The following KCND2 variants were observed in gnomAD, a reference collection of about 807,000 sequenced individuals.
The protein encoded by KCND2 is potassium voltage-gated channel subfamily D member 2.
A neutral mutation model predicts 54.4 loss-of-function variants in KCND2; 16 were observed. The observed-to-expected ratio is 0.29, with a 90% CI of 0.20 to 0.45. The LOEUF (loss-of-function observed/expected upper bound fraction) is 0.45, where lower values mean the gene tolerates loss of function less well. KCND2 is among the 20% of genes least tolerant of loss of function. The pLI is 1.00. For synonymous variants in KCND2, 317 were observed against 310.7 expected (o/e 1.02, Z -0.21); for missense variants, 486 against 824.2 (o/e 0.59, Z 5.02).
intron 1 of KCND2, among the ~76,000 whole-genome samples, chr7:120,558,796 A>G (rs1792196606): frequency 6.6e-6 from 1 of 151,818 alleles, no homozygotes; most frequent in Non-Finnish European, 1.5e-5. Context: ...TAAAATATCT[A>G]CTCTCCTTGT....
At chr7:120,627,552 G>C (rs987402915) in intron 1 of KCND2, among the ~76,000 whole-genome samples, 1 of 151,896 alleles carries the variant, frequency 6.6e-6, no homozygotes, top group African/African-American at 2.4e-5. Context: ...GTTTATTTCA[G>C]TCCTTTAAAA....
intron 1 of KCND2, among the ~76,000 whole-genome samples, chr7:120,546,890 A>G (rs1792048756): frequency 6.6e-6 from 1 of 151,892 alleles, no homozygotes; most frequent in Admixed American, 6.6e-5. Flanking sequence ...TGTAATATCA[A>G]ATACAAATAC....
At chr7:120,595,513 A>G (rs534893462) in intron 1 of KCND2, among the ~76,000 whole-genome samples, 1 of 144,806 alleles carries the variant, frequency 6.9e-6, no homozygotes, top group East Asian at 2.0e-4. Flanking sequence ...GTGTGTGTAT[A>G]TATATGTATA....
chr7:120,682,601 G>C (rs937049611), intron 1 of KCND2, among the ~76,000 whole-genome samples: 1 of 152,094 alleles, frequency 6.6e-6, no homozygotes, highest in Non-Finnish European at 1.5e-5. Context: ...ATTATTGAAA[G>C]ACAGTGCAGT....
chr7:120,352,845 C>G (rs543774992), intron 1 of KCND2, among the ~76,000 whole-genome samples: 8 of 152,060 alleles, frequency 5.3e-5, no homozygotes, highest in African/African-American at 1.9e-4. Context: ...TCATTAGTTA[C>G]TGATAATCAT....
At position 120,707,250 on chromosome 7, in the gene KCND2, C is replaced by T. The variant is rs1171901925; in HGVS notation, c.1116-25653C>T. Among the ~76,000 whole-genome samples, 13 of 152,202 alleles carry T rather than the reference C, an allele frequency of 8.5e-5. No individual in the cohort carries two copies. In the East Asian group the frequency reaches 2.5e-3, roughly 29 times the overall value. ...CTAAGAAATCTAGATACTTCCAATG[C>T]CAGGTGATTTATAATACACTTATAT... On this transcript the variant is annotated intron_variant, in intron 1 of 5. Transcript: ENST00000331113.
intron 1 of KCND2, among the ~76,000 whole-genome samples, chr7:120,428,407 A>G (rs539879531): frequency 5.8e-4 from 89 of 152,344 alleles, no homozygotes; most frequent in African/African-American, 2.0e-3. Context: ...AAACCATAGC[A>G]TTAGGGACCA....
intron 1 of KCND2, among the ~76,000 whole-genome samples, chr7:120,434,751 A>G (rs1262156644): frequency 6.6e-6 from 1 of 152,166 alleles, no homozygotes; most frequent in Non-Finnish European, 1.5e-5. Flanking sequence ...GTCATAGCTC[A>G]TGGGTCCCAA....
At chr7:120,503,933 T>C (rs1413814290) in intron 1 of KCND2, among the ~76,000 whole-genome samples, 1 of 151,978 alleles carries the variant, frequency 6.6e-6, no homozygotes, top group African/African-American at 2.4e-5. Flanking sequence ...CATCCATATA[T>C]AAAAAGCCTT....
At chr7:120,469,562 T>C (rs1802424297) in intron 1 of KCND2, among the ~76,000 whole-genome samples, 1 of 152,102 alleles carries the variant, frequency 6.6e-6, no homozygotes, top group Non-Finnish European at 1.5e-5. Context: ...TAGCAGAGGA[T>C]TGGAAGCTCA....
At position 120,747,976 on chromosome 7, in the gene KCND2, G is replaced by A. The variant is rs895196811; in HGVS notation, c.*118G>A. ...TTAATGCAGCAAAGAAAGAAGGTTG[G>A]TAGTGAAACACAAAGCTTCCAATCT... On this transcript the variant is annotated 3_prime_UTR_variant, in exon 6 of 6. Coordinates refer to ENST00000331113, the MANE Select transcript of KCND2 (RefSeq NM_012281.3). 4.8e-6 allele frequency: 4 copies of A among 833,870 alleles called. No homozygotes were observed. The highest frequency in any genetic ancestry group is 1.5e-5 in the South Asian group (1 of 64,974). The allele number at this position is 833,870 out of a possible 1,614,324, so 51.7% of individuals were successfully genotyped here.
intron 1 of KCND2, among the ~76,000 whole-genome samples, chr7:120,578,761 AG>A (rs1282304020): frequency 6.6e-6 from 1 of 152,074 alleles, no homozygotes; most frequent in Non-Finnish European, 1.5e-5. Flanking sequence ...GCTACTCAGG[AG>A]GCTGAGGCAG....
intron 1 of KCND2, among the ~76,000 whole-genome samples, chr7:120,567,938 A>T (rs1400650523): frequency 1.3e-5 from 2 of 152,124 alleles, no homozygotes; most frequent in African/African-American, 4.8e-5. Context: ...ACTTTGCATC[A>T]ATGATGCATG....
intron 1 of KCND2, among the ~76,000 whole-genome samples, chr7:120,585,109 C>CT (rs1328213324): frequency 2.0e-5 from 3 of 151,910 alleles, no homozygotes; most frequent in African/African-American, 7.3e-5. Context: ...TGCCTCTCTT[C>CT]TTGAGAGTTA....
intron 1 of KCND2, among the ~76,000 whole-genome samples, chr7:120,386,916 C>G (rs939741101): frequency 6.6e-6 from 1 of 152,124 alleles, no homozygotes; most frequent in Non-Finnish European, 1.5e-5. Context: ...TCTGTCCTCA[C>G]CAACTTCAGT....
At chr7:120,505,523 A>G (rs1803000937) in intron 1 of KCND2, among the ~76,000 whole-genome samples, 1 of 151,870 alleles carries the variant, frequency 6.6e-6, no homozygotes, top group Non-Finnish European at 1.5e-5. Flanking sequence ...ACAATGACAA[A>G]AAAGAAACCC....
chr7:120,622,664 T>TACACACACACAC (rs138167439), intron 1 of KCND2, among the ~76,000 whole-genome samples: 1 of 134,896 alleles, frequency 7.4e-6, no homozygotes, highest in African/African-American at 2.8e-5. Context: ...TCCTTTTCCT[T>TACACACACACAC]ACACACACAC....
intron 1 of KCND2, among the ~76,000 whole-genome samples, chr7:120,557,356 T>A (rs1792178274): frequency 6.6e-6 from 1 of 152,282 alleles, no homozygotes; most frequent in South Asian, 2.1e-4. Context: ...AGTCTCCCTA[T>A]GATTTATTGA....
intron 1 of KCND2, among the ~76,000 whole-genome samples, chr7:120,324,632 G>A (rs1223379310): frequency 2.0e-5 from 3 of 150,000 alleles, no homozygotes; most frequent in Admixed American, 6.6e-5. Flanking sequence ...TTATTTCTGA[G>A]GGCTCTGTTC....
Sources: allele counts gnomAD v4.1 joint callset (sites outside exome capture counted in the v4.1 genomes callset), GRCh38; gene constraint gnomAD v4.1.1; transcripts MANE v1.5; gene names NCBI Gene and HGNC (gene_info 2026-07-23, HGNC 2026-07-21).